PAIP1: variants seen among roughly 807,000 people sequenced by gnomAD.
The protein encoded by PAIP1 is polyadenylate-binding protein-interacting protein 1.
Under a neutral mutation model 61.3 loss-of-function variants are expected in PAIP1, and 16 were observed. The ratio of observed to expected loss-of-function variants is 0.26; its 90% CI spans 0.18 to 0.40. The LOEUF is 0.40. PAIP1 is among the 10% of genes least tolerant of loss of function. PAIP1 has a pLI of 1.00. For missense variants in PAIP1, 416 were observed against 600.9 expected (o/e 0.69, Z 3.22); for synonymous variants, 187 against 226.2 (o/e 0.83, Z 1.56).
chr5:43,538,991 T>A lies in PAIP1; in HGVS notation c.779A>T (p.Asp260Val), dbSNP rs1165832398. Reference sequence around the variant, plus strand: ...ATGAAATCGTTTTCGAGTAACTTCATCCCCTTTTGCAGCTTGATCTTTAAC... The same window carrying A: ...ATGAAATCGTTTTCGAGTAACTTCAACCCCTTTTGCAGCTTGATCTTTAAC... The part of the protein sequence containing the change: ...YEVKDQAAKG[D>V]EVTRKRFHAF... The change falls in exon 5 of 11, where the codon GAT becomes GTT. Residue 260 changes from aspartate to valine, a missense_variant. Around this residue, in one of 4 missense-constraint regions of PAIP1, gnomAD observed 135 missense variants for 283.9 expected, o/e 0.48. Coordinates refer to ENST00000306846, the MANE Select transcript of PAIP1 (RefSeq NM_006451.5). 3.1e-6 allele frequency: 5 copies of A among 1,611,918 alleles called. No homozygotes were observed. The highest frequency in any genetic ancestry group is 4.2e-6 in the Non-Finnish European group (5 of 1,178,614).
At chr5:43,549,998 A>G (rs1161764656) in intron 2 of PAIP1, among the ~76,000 whole-genome samples, 1 of 152,190 alleles carries the variant, frequency 6.6e-6, no homozygotes, top group Non-Finnish European at 1.5e-5. Context: ...CGCTGGGATT[A>G]CAGGCGAGAG....
At chr5:43,549,142 T>C (rs1360170607) in intron 2 of PAIP1, among the ~76,000 whole-genome samples, 1 of 152,206 alleles carries the variant, frequency 6.6e-6, no homozygotes, top group African/African-American at 2.4e-5. Flanking sequence ...GGTTTCACCA[T>C]GTTGGCCAGG....
At chr5:43,533,709 G>C in intron 9 of PAIP1, 29 bp downstream of exon 9, 1 of 1,416,402 alleles carries the variant, frequency 7.1e-7, no homozygotes, top group Non-Finnish European at 1.0e-6. Context: ...AAACAACTGG[G>C]AGGAGGGAAT....
chr5:43,549,854 G>A (rs1747795115), intron 2 of PAIP1, among the ~76,000 whole-genome samples: 1 of 152,118 alleles, frequency 6.6e-6, no homozygotes, highest in Non-Finnish European at 1.5e-5. Context: ...CAGAGTAGCT[G>A]GGACTACAGG....
intron 6 of PAIP1, 38 bp downstream of exon 6, chr5:43,536,781 A>G: frequency 6.5e-6 from 7 of 1,076,238 alleles, no homozygotes; most frequent in Non-Finnish European, 9.7e-6. Context: ...AATCATAAGT[A>G]AATACGTAAA....
intron 2 of PAIP1, among the ~76,000 whole-genome samples, chr5:43,551,413 A>G (rs1056919859): frequency 1.3e-5 from 2 of 152,148 alleles, no homozygotes; most frequent in African/African-American, 4.8e-5. Context: ...ATTTAAGAAA[A>G]CAAGAGACAA....
chr5:43,556,771 GCCCGCCCCCTCCGCGGCC>G lies in PAIP1; in HGVS notation c.58_75del (p.Gly20_Gly25del). ...CCGTTCGGGAAACCGCCGCCCTCAG[GCCCGCCCCCTCCGCGGCC>G]CAGGCCCCGGCTCCGGCCCCGACCA... On this transcript the variant is annotated inframe_deletion, in exon 1 of 11. Transcript: ENST00000306846. The G allele has an allele frequency of 1.2e-5, 17 of 1,436,360 alleles. No homozygotes were observed. Among genetic ancestry groups the G allele is most frequent in the Non-Finnish European group, 1.5e-5 (17 of 1,098,678 alleles). The allele number at this position is 1,436,360 out of a possible 1,614,324, so 89.0% of individuals were successfully genotyped here.
intron 7 of PAIP1, 67 bp from the exon 8 acceptor site, chr5:43,535,037 A>C: frequency 1.2e-6 from 1 of 832,610 alleles, no homozygotes. Context: ...AAAATATCTC[A>C]GATTCCCAAA....
chr5:43,534,966 C>T lies in PAIP1; in HGVS notation c.1084G>A (p.Val362Ile), dbSNP rs922377691. The part of the protein sequence containing the change: ...VVLDANCSRD[V>I]KQMLLKLVEL... ...ACAAGCTTCAAGAGCATCTGTTTTA[C>T]ATCTCTGTAGACAAAGTTGAAAATG... is the stretch of plus-strand genomic sequence containing the variant. The change falls in exon 8 of 11, where the codon GTA (valine) becomes ATA (isoleucine). Residue 362 changes from valine to isoleucine, a missense_variant. Val to Ile is a conservative substitution (Grantham distance 29, BLOSUM62 3). Around this residue, in one of 4 missense-constraint regions of PAIP1, gnomAD observed 135 missense variants for 283.9 expected, o/e 0.48. Coordinates refer to ENST00000306846, the MANE Select transcript of PAIP1 (RefSeq NM_006451.5). 7 of 1,568,758 alleles carry T rather than the reference C, an allele frequency of 4.5e-6. No individual in the cohort carries two copies. Among genetic ancestry groups the T allele is most frequent in the Non-Finnish European group, 6.1e-6 (7 of 1,138,806 alleles).
At chr5:43,548,405 A>C (rs1747731736) in intron 2 of PAIP1, among the ~76,000 whole-genome samples, 1 of 151,740 alleles carries the variant, frequency 6.6e-6, no homozygotes, top group African/African-American at 2.4e-5. Context: ...GAAAAAAAAA[A>C]CAAAAACAAA....
At chr5:43,549,006 T>C (rs946911891) in intron 2 of PAIP1, among the ~76,000 whole-genome samples, 1 of 152,158 alleles carries the variant, frequency 6.6e-6, no homozygotes, top group Non-Finnish European at 1.5e-5. Context: ...AGTGGTGCAA[T>C]CTTGGCTCAC....
In PAIP1 at chr5:43,543,080, G is replaced by A. The variant is rs1747480044; in HGVS notation, c.658C>T (p.Arg220Cys). The change falls in exon 4 of 11, where the codon CGC (arginine) becomes TGC (cysteine). Residue 220 changes from arginine to cysteine, a missense_variant. By Grantham distance (180) the Arg-to-Cys change is radical. This residue lies in a region of PAIP1 where 180 missense variants were observed against 211.2 expected (regional missense o/e 0.85). Coordinates refer to ENST00000306846, the MANE Select transcript of PAIP1 (RefSeq NM_006451.5). ...TGATGGGACAGGTAATTACACAGGCGAGCTCCCATATAAGAGAAATTTGGG... is the reference window on the plus strand; with the variant it reads ...TGATGGGACAGGTAATTACACAGGCAAGCTCCCATATAAGAGAAATTTGGG... ...SIPNFSYMGA[R>C]LCNYLSHHLT... 1.2e-6 allele frequency: 2 copies of A among 1,609,800 alleles called. No homozygotes were observed. The highest frequency in any genetic ancestry group is 1.7e-6 in the Non-Finnish European group (2 of 1,176,448).
intron 9 of PAIP1, among the ~76,000 whole-genome samples, chr5:43,530,303 T>C (rs1328782159): frequency 6.6e-6 from 1 of 152,212 alleles, no homozygotes; most frequent in Non-Finnish European, 1.5e-5. Context: ...TTTCCTTCCC[T>C]TTCTTCCCAG....
chr5:43,531,656 C>CAAAAAAAAAAAAAAAACAAAAAAA (rs1746937814), intron 9 of PAIP1, among the ~76,000 whole-genome samples: 1 of 59,868 alleles, frequency 1.7e-5, no homozygotes, highest in Non-Finnish European at 3.4e-5. Context: ...GACTCTGTCT[C>CAAAAAAAAAAAAAAAACAAAAAAA]AAAAAAAAAA....
rs1173523443 is a variant in PAIP1, at chr5:43,534,722, G to A, written c.1197+131C>T. 3 of 627,148 alleles carry A rather than the reference G, an allele frequency of 4.8e-6. No homozygotes were observed. In the East Asian group the frequency reaches 8.1e-5, roughly 17 times the overall value. The allele number at this position is 627,148 out of a possible 1,614,324, so 38.8% of individuals were successfully genotyped here. On this transcript the variant is annotated intron_variant, in intron 8 of 10. Coordinates refer to ENST00000306846, the MANE Select transcript of PAIP1 (RefSeq NM_006451.5). ...TTCTTTTTTACCCAGTCTGATGGCT[G>A]CCATGTCACTCAAAGCCAGTGAAGA...
chr5:43,556,036 C>A (rs961400166), intron 1 of PAIP1, 37 bp from the exon 2 acceptor site: 1 of 1,599,538 alleles, frequency 6.3e-7, no homozygotes, highest in Admixed American at 1.8e-5. Flanking sequence ...CAGATGCATT[C>A]TTTCCTTTGT....
chr5:43,538,888 G>T, intron 5 of PAIP1, 36 bp downstream of exon 5: 1 of 1,005,288 alleles, frequency 9.9e-7, no homozygotes, highest in Non-Finnish European at 1.6e-6. Context: ...ATGTTCTCAG[G>T]CCTTGTTAGT....
chr5:43,553,220 C>G (rs770242955), intron 2 of PAIP1, among the ~76,000 whole-genome samples: 48 of 152,094 alleles, frequency 3.2e-4, no homozygotes, highest in Non-Finnish European at 6.5e-4. Context: ...ATGGATATAG[C>G]AACTCACTGG....
At position 43,556,028 on chromosome 5, in the gene PAIP1, G is replaced by A. The variant is rs1409749506; in HGVS notation, c.266-29C>T. On this transcript the variant is annotated intron_variant, in intron 1 of 10. Transcript: ENST00000306846. The stretch of plus-strand genomic sequence containing the variant: ...CAAAAGAAAAAAAAACGGGGCGTCA[G>A]ATGCATTCTTTCCTTTGTACAGCAA... 3 of 1,602,736 alleles carry A rather than the reference G, an allele frequency of 1.9e-6. No homozygotes were observed. The African/African-American group carries it at 4.1e-5, about 22-fold the overall frequency.
Sources: allele counts gnomAD v4.1 joint callset (sites outside exome capture counted in the v4.1 genomes callset), GRCh38; gene constraint gnomAD v4.1.1; regional missense constraint gnomAD v4.1.1; transcripts MANE v1.5; gene names NCBI Gene and HGNC (gene_info 2026-07-23, HGNC 2026-07-21).